MDGA2: variants seen among roughly 807,000 people sequenced by gnomAD.
The protein encoded by MDGA2 is MAM domain-containing glycosylphosphatidylinositol anchor protein 2.
MDGA2 carries 40 observed loss-of-function variants against 117.8 expected under a neutral mutation model. The ratio of observed to expected loss-of-function variants is 0.34; its 90% CI spans 0.26 to 0.44. The LOEUF is 0.44. MDGA2 is among the 20% of genes least tolerant of loss of function. The probability of loss-of-function intolerance (pLI) is 1.00; values close to 1 mark genes in which losing one functional copy is unlikely to be tolerated. For synonymous variants in MDGA2, 452 were observed against 439.0 expected (o/e 1.03, Z -0.37); for missense variants, 1,123 against 1,250.6 (o/e 0.90, Z 1.54).
chr14:47,627,074 A>C lies in MDGA2; in HGVS notation c.280+47443T>G, dbSNP rs372538397. On this transcript the variant is annotated intron_variant, in intron 1 of 16. Transcript: ENST00000399232. ...AGGGTTTGTGAATGCACCAATCGGC[A>C]CTCTGTATCTAGTTCATCTGGTGGG... Among the ~76,000 whole-genome samples, 7 of 152,100 alleles carry C rather than the reference A, an allele frequency of 4.6e-5. No homozygotes were observed. The South Asian group carries it at 1.5e-3, about 32-fold the overall frequency.
chr14:46,945,883 A>G (rs1307281267), intron 9 of MDGA2, among the ~76,000 whole-genome samples: 1 of 152,060 alleles, frequency 6.6e-6, no homozygotes, highest in Non-Finnish European at 1.5e-5. Context: ...TTTCCAGATA[A>G]CTTCCAAGAT....
chr14:47,181,848 T>C (rs1353362835), intron 3 of MDGA2, among the ~76,000 whole-genome samples: 2 of 152,212 alleles, frequency 1.3e-5, no homozygotes, highest in Non-Finnish European at 2.9e-5. Context: ...AAAAAGGCTA[T>C]GTCCTAAACA....
At chr14:47,233,674 C>T (rs185998774) in intron 2 of MDGA2, among the ~76,000 whole-genome samples, 12 of 152,132 alleles carry the variant, frequency 7.9e-5, no homozygotes, top group African/African-American at 2.6e-4. Flanking sequence ...GAAAATTTTA[C>T]GCAAAGGGCG....
rs376799030 is a variant in MDGA2, at chr14:46,882,248, T to C, written c.2239-27A>G. On this transcript the variant is annotated intron_variant, in intron 10 of 16. Transcript: ENST00000399232. ...TGAAATCAAAACAATAATAGAATAA[T>C]GTTCCCAGTATGTTCTTCAGAGGTA... The C allele has an allele frequency of 4.3e-5, 69 of 1,590,226 alleles. No homozygotes were observed. In the African/African-American group the frequency reaches 7.6e-4, roughly 17 times the overall value.
chr14:47,383,167 A>T (rs1191541414), intron 1 of MDGA2, among the ~76,000 whole-genome samples: 1 of 152,196 alleles, frequency 6.6e-6, no homozygotes, highest in African/African-American at 2.4e-5. Context: ...GAACACTTGG[A>T]CACAGGATGG....
chr14:47,159,160 T>G (rs1883529936), intron 3 of MDGA2, among the ~76,000 whole-genome samples: 1 of 152,110 alleles, frequency 6.6e-6, no homozygotes, highest in Admixed American at 6.5e-5. Context: ...TTTACAACAT[T>G]AAGAGTGAAG....
At chr14:47,541,960 G>T (rs1203709116) in intron 1 of MDGA2, among the ~76,000 whole-genome samples, 1 of 152,134 alleles carries the variant, frequency 6.6e-6, no homozygotes, top group Non-Finnish European at 1.5e-5. Context: ...ACCACATACT[G>T]TTCTGGATTA....
At chr14:47,625,018 T>G (rs1037496775) in intron 1 of MDGA2, among the ~76,000 whole-genome samples, 1 of 152,216 alleles carries the variant, frequency 6.6e-6, no homozygotes. Context: ...ACTCTCATTT[T>G]TAAAGTTTTA....
At chr14:47,359,334 C>A (rs942057437) in intron 1 of MDGA2, among the ~76,000 whole-genome samples, 3 of 151,614 alleles carry the variant, frequency 2.0e-5, no homozygotes, top group Non-Finnish European at 2.9e-5. Context: ...AACCTGGTGA[C>A]ATAGCGAGAC....
chr14:46,900,950 T>G (rs534459096), intron 10 of MDGA2, among the ~76,000 whole-genome samples: 4 of 152,240 alleles, frequency 2.6e-5, no homozygotes, highest in African/African-American at 7.2e-5. Flanking sequence ...GAAGGTTTCA[T>G]GGAACTTTCC....
chr14:46,991,937 G>T (rs1887107328), intron 8 of MDGA2, among the ~76,000 whole-genome samples: 1 of 152,052 alleles, frequency 6.6e-6, no homozygotes, highest in Non-Finnish European at 1.5e-5. Context: ...TACAAAAAGA[G>T]ACTTGATTAT....
intron 1 of MDGA2, 95 bp downstream of exon 1, chr14:47,674,422 A>C: frequency 3.8e-6 from 4 of 1,040,270 alleles, no homozygotes; most frequent in Non-Finnish European, 5.7e-6. Flanking sequence ...CCACGCCGGG[A>C]GGGGCCCCGG....
At chr14:46,859,056 T>C (rs750687616) in intron 14 of MDGA2, among the ~76,000 whole-genome samples, 4 of 152,156 alleles carry the variant, frequency 2.6e-5, no homozygotes, top group Non-Finnish European at 4.4e-5. Context: ...TCTCTAACTT[T>C]ATGGGACTCA....
intron 3 of MDGA2, among the ~76,000 whole-genome samples, chr14:47,206,332 T>A (rs1885681252): frequency 6.6e-6 from 1 of 151,982 alleles, no homozygotes; most frequent in South Asian, 2.1e-4. Context: ...GGCTCATGCC[T>A]GTGATCCCAG....
rs1397742984 is a variant in MDGA2 at position 46,988,921 on chromosome 14, CTG to C, written c.1820-31280_1820-31279del. Among the ~76,000 whole-genome samples, 8 of 151,572 alleles carry C rather than the reference CTG, an allele frequency of 5.3e-5. No homozygotes were observed. The East Asian group carries it at 1.5e-3, about 29-fold the overall frequency. On this transcript the variant is annotated intron_variant, in intron 8 of 16. Coordinates refer to ENST00000399232, the MANE Select transcript of MDGA2 (RefSeq NM_001113498.3). Reference sequence around the variant, plus strand: ...GACTAGAGAGAAGGATTTTAAAAGACTGTGCAAAGTACAGTTTCTGGACTGCT... The same window carrying C: ...GACTAGAGAGAAGGATTTTAAAAGACTGCAAAGTACAGTTTCTGGACTGCT...
chr14:46,904,130 G>A (rs903825259), intron 10 of MDGA2, among the ~76,000 whole-genome samples: 2 of 152,058 alleles, frequency 1.3e-5, no homozygotes, highest in Non-Finnish European at 2.9e-5. Flanking sequence ...TTGGGAGGCC[G>A]AGGCTGGTGG....
chr14:47,211,496 G>C (rs1176040618), intron 3 of MDGA2, among the ~76,000 whole-genome samples: 1 of 152,084 alleles, frequency 6.6e-6, no homozygotes, highest in Non-Finnish European at 1.5e-5. Flanking sequence ...ATTGGTTTTT[G>C]ACACAGCTAA....
At chr14:47,005,567 A>G (rs1016378231) in intron 8 of MDGA2, among the ~76,000 whole-genome samples, 1 of 151,296 alleles carries the variant, frequency 6.6e-6, no homozygotes, top group Admixed American at 6.6e-5. Context: ...GTTGGTAGGG[A>G]TTTTTTTACA....
At chr14:46,903,103 C>T (rs1392794219) in intron 10 of MDGA2, among the ~76,000 whole-genome samples, 2 of 152,178 alleles carry the variant, frequency 1.3e-5, no homozygotes, top group African/African-American at 4.8e-5. Flanking sequence ...GGAGCGCTGG[C>T]AGGAATCCTT....
Sources: gnomAD v4.1 joint callset for allele counts (sites outside exome capture counted in the v4.1 genomes callset) on GRCh38, gnomAD v4.1.1 for gene constraint, MANE v1.5 for transcripts, NCBI Gene and HGNC (gene_info 2026-07-23, HGNC 2026-07-21) for gene names.